Variants in PFAS observed in about 807,000 individuals in gnomAD.
PFAS encodes the protein FGAM synthase.
A neutral mutation model predicts 140.6 loss-of-function variants in PFAS; 97 were observed. The ratio of observed to expected loss-of-function variants is 0.69; its 90% CI spans 0.59 to 0.82. The LOEUF is 0.82. Ranked by LOEUF, PFAS falls within the 40% of genes least tolerant of loss-of-function variation. The pLI is 0.00. For missense variants in PFAS, 1,656 were observed against 1,780.2 expected (o/e 0.93, Z 1.26); for synonymous variants, 679 against 718.8 (o/e 0.94, Z 0.88).
At position 8,257,804 on chromosome 17, in the gene PFAS, CAG is replaced by C. The variant is rs1164293131; in HGVS notation, c.1076-2_1076-1del. On this transcript the variant is annotated splice_acceptor_variant, in intron 9 of 27. Transcript: ENST00000314666. LOFTEE classifies it high-confidence loss of function. ...CATCCAGTTCTCTCTCCTTCCCTCC[CAG>C]GTTACAATCTGCCCTGGGAGGATCC... 4.3e-6 allele frequency: 7 copies of C among 1,613,908 alleles called. No homozygotes were observed. The highest frequency in any genetic ancestry group is 5.9e-6 in the Non-Finnish European group (7 of 1,179,782).
upstream of PFAS, chr17:8,248,099 G>T: frequency 9.7e-7 from 1 of 1,033,702 alleles, no homozygotes; most frequent in Non-Finnish European, 1.5e-6. Context: ...GATGGGGGTG[G>T]GGGGGCGCTC....
At chr17:8,263,377 C>A in intron 13 of PFAS, 112 bp downstream of exon 13, 3 of 1,204,548 alleles carry the variant, frequency 2.5e-6, no homozygotes, top group Non-Finnish European at 2.4e-6. Flanking sequence ...GGGTCCCATT[C>A]TCCATGCTCT....
intron 1 of PFAS, among the ~76,000 whole-genome samples, chr17:8,251,187 G>A (rs541973914): frequency 4.6e-5 from 7 of 152,254 alleles, no homozygotes; most frequent in Admixed American, 2.0e-4. Flanking sequence ...TCGGGAGACC[G>A]AGGCAGGAGA....
At position 8,265,358 on chromosome 17, in the gene PFAS, C is replaced by G; in HGVS notation, c.2351C>G (p.Ala784Gly). 6.2e-7 allele frequency: 1 copy of G among 1,614,164 alleles called. No individual in the cohort carries two copies. Among genetic ancestry groups the G allele is most frequent in the African/African-American group, 1.3e-5 (1 of 75,066 alleles). Residue 784 changes from alanine (A) to glycine (G), a missense_variant, in exon 19 of 28, where the codon GCC (alanine) becomes GGC (glycine). By Grantham distance (60) the Ala-to-Gly change is moderately conservative. Around this residue, in one of 2 missense-constraint regions of PFAS, gnomAD observed 883 missense variants for 1,023.0 expected, o/e 0.86. Transcript: ENST00000314666. ...GGGGAGGGCGCAGCTTTGGCGGATGCCTGTGAGGCTATGGTGGCAGTGATG... is the reference window on the plus strand; with the variant it reads ...GGGGAGGGCGCAGCTTTGGCGGATGGCTGTGAGGCTATGGTGGCAGTGATG... Reference protein sequence around the residue: ...LPGEGAALADACEAMVAVMAA... With the variant: ...LPGEGAALADGCEAMVAVMAA...
chr17:8,259,789 A>G lies in PFAS; in HGVS notation c.1336+1590A>G, dbSNP rs898421878. On this transcript the variant is annotated intron_variant, in intron 11 of 27. Transcript: ENST00000314666. ...AGTGACAGAGTGAAACCCTGTCTCCAAAAAAGAATAAAAATAAAAAATAAA... is the reference window on the plus strand; with the variant it reads ...AGTGACAGAGTGAAACCCTGTCTCCGAAAAAGAATAAAAATAAAAAATAAA... 2.6e-5 allele frequency among the ~76,000 whole-genome samples: 4 copies of G among 151,292 alleles called. No individual in the cohort carries two copies. The South Asian group carries it at 8.4e-4, about 32-fold the overall frequency.
In PFAS at chr17:8,265,896, G is replaced by A; in HGVS notation, c.2580G>A (p.Gln860=). The A allele has an allele frequency of 6.2e-7, 1 of 1,611,894 alleles. No individual in the cohort carries two copies. Among genetic ancestry groups the A allele is most frequent in the South Asian group, 1.1e-5 (1 of 90,752 alleles). ...TCTATGTGGCTCTGAGCCCTGGGCA[G>A]CACCGGCTCGGGGGCACAGCTCTGG... ...HLLYVALSPG[Q]HRLGGTALAQ... The change falls in exon 21 of 28, where the codon CAG becomes CAA. Residue 860 remains glutamine, a synonymous_variant. Transcript: ENST00000314666.
In PFAS at chr17:8,263,221, G is replaced by A; in HGVS notation, c.1523G>A (p.Gly508Glu). Residue 508 changes from glycine (G) to glutamate (E), a missense_variant, in exon 13 of 28, where the codon GGA becomes GAA. Coordinates refer to ENST00000314666, the MANE Select transcript of PFAS (RefSeq NM_012393.3). ...AGGGCTTGTGTGGAGGCCCCCAAGG[G>A]AAACCCCATCTGCAGCCTTCATGAT... is the stretch of plus-strand genomic sequence containing the variant. ...VIRACVEAPK[G>E]NPICSLHDQG... 1 of 1,614,174 alleles carries A rather than the reference G, an allele frequency of 6.2e-7. No individual in the cohort carries two copies. The highest frequency in any genetic ancestry group is 2.2e-5 in the East Asian group (1 of 44,890).
chr17:8,265,836 C>T (rs1989790013), intron 20 of PFAS, 26 bp from the exon 21 acceptor site: 1 of 1,578,722 alleles, frequency 6.3e-7, no homozygotes, highest in Admixed American at 1.7e-5. Context: ...CTGTTCCCCT[C>T]CCCTCACCCC....
In PFAS at chr17:8,256,293, A is replaced by G. The variant is rs1381022256; in HGVS notation, c.707A>G (p.Lys236Arg). 6.2e-7 allele frequency: 1 copy of G among 1,613,988 alleles called. No homozygotes were observed. Among genetic ancestry groups the G allele is most frequent in the Admixed American group, 1.7e-5 (1 of 60,002 alleles). The change falls in exon 7 of 28, where the codon AAG becomes AGG. Residue 236 changes from lysine to arginine, a missense_variant. Lys to Arg is a conservative substitution (Grantham distance 26). Around this residue, in one of 2 missense-constraint regions of PFAS, gnomAD observed 773 missense variants for 757.3 expected, o/e 1.02. Transcript: ENST00000314666. ...GAGCACAGCCGACACTGGTTCTTCA[A>G]GGGCCAGCTCCACGTGGATGGGCAG... ...NSEHSRHWFFKGQLHVDGQKL... is the reference protein window; with the variant it reads ...NSEHSRHWFFRGQLHVDGQKL...
Position 8,253,981 on chromosome 17 carries a change from AG to A in PFAS, c.49del (p.Ala17GlnfsTer28), listed in dbSNP as rs1348679846. The A allele has an allele frequency of 6.2e-7, 1 of 1,613,908 alleles. No individual in the cohort carries two copies. Among genetic ancestry groups the A allele is most frequent in the African/African-American group, 1.3e-5 (1 of 74,890 alleles). ...TTCTATGTTCGTCCCTCTGGCCATG[AG>A]GGGGCAGCCCCTGGACACACTCGGA... Reference protein sequence around the residue: ...LHFYVRPSGHEGAAPGHTRRK... With the variant: ...LHFYVRPSGHXGAAPGHTRRK... On this transcript the variant is annotated frameshift_variant, in exon 2 of 28. Coordinates refer to ENST00000314666, the MANE Select transcript of PFAS (RefSeq NM_012393.3). LOFTEE classifies it high-confidence loss of function.
At chr17:8,259,664 T>C (rs1339165804) in intron 11 of PFAS, among the ~76,000 whole-genome samples, 2 of 152,118 alleles carry the variant, frequency 1.3e-5, no homozygotes, top group Non-Finnish European at 2.9e-5. Flanking sequence ...GGTGTACACC[T>C]GTAGTCCCAG....
At position 8,265,910 on chromosome 17, in the gene PFAS, G is replaced by A; in HGVS notation, c.2594G>A (p.Gly865Asp). 3.7e-6 allele frequency: 6 copies of A among 1,613,162 alleles called. No homozygotes were observed. The highest frequency in any genetic ancestry group is 5.1e-6 in the Non-Finnish European group (6 of 1,179,512). Residue 865 changes from glycine (G) to aspartate (D), a missense_variant, in exon 21 of 28, where the codon GGC becomes GAC. Physicochemically the swap from Gly to Asp is moderately conservative, Grantham distance 94 (BLOSUM62 -1). Transcript: ENST00000314666. ...ALSPGQHRLG[G>D]TALAQCFSQL... ...AGCCCTGGGCAGCACCGGCTCGGGG[G>A]CACAGCTCTGGCCCAGTGCTTCTCC...
intron 26 of PFAS, 133 bp from the exon 27 acceptor site, chr17:8,268,396 GGAAA>G (rs1989915651): frequency 6.4e-6 from 4 of 623,434 alleles, no homozygotes; most frequent in South Asian, 4.2e-5. Flanking sequence ...AAAGAAAGAA[GGAAA>G]GGAAGGAAGG....
At chr17:8,248,121 C>T, upstream of PFAS, 1 of 1,021,154 alleles carries the variant, frequency 9.8e-7, no homozygotes, top group South Asian at 1.4e-5. Context: ...GTGACGTCAC[C>T]GGTGAGCGGG....
rs201344121 is a variant in PFAS at position 8,268,001 on chromosome 17, ATTAT to A, written c.3382+341_3382+344del. On this transcript the variant is annotated intron_variant, in intron 26 of 27. Coordinates refer to ENST00000314666, the MANE Select transcript of PFAS (RefSeq NM_012393.3). ...TATTATTTATATATTATTAAAATATATTATTTATATATATTATTTATATATTATT... is the reference window on the plus strand; with the variant it reads ...TATTATTTATATATTATTAAAATATATTATATATATTATTTATATATTATT... Among the ~76,000 whole-genome samples the A allele has an allele frequency of 6.4e-3, 905 of 140,772 alleles. 13 individuals are homozygous for A. The highest frequency in any genetic ancestry group is 0.021 in the African/African-American group (796 of 38,460). The allele number at this position is 140,772 out of a possible 152,430, so 92.4% of individuals were successfully genotyped here. A position where few individuals can be genotyped will look rare whatever the true frequency, so the allele number is the denominator to read the frequency against.
intron 16 of PFAS, 41 bp downstream of exon 16, chr17:8,264,378 TCCA>T (rs1989723196): frequency 6.2e-7 from 1 of 1,612,596 alleles, no homozygotes; most frequent in African/African-American, 1.3e-5. Flanking sequence ...TGTGGTCCTC[TCCA>T]CACCACCCTT....
In PFAS at chr17:8,256,978, C is replaced by G. The variant is rs754169522; in HGVS notation, c.1075+15C>G. On this transcript the variant is annotated intron_variant, in intron 9 of 27. Coordinates refer to ENST00000314666, the MANE Select transcript of PFAS (RefSeq NM_012393.3). ...GCATATTCCAGGTTCCATCTCCTTCCTCTCTATCCACCTTCCCTTCCAGAT... is the reference window on the plus strand; with the variant it reads ...GCATATTCCAGGTTCCATCTCCTTCGTCTCTATCCACCTTCCCTTCCAGAT... 2.5e-6 allele frequency: 4 copies of G among 1,613,928 alleles called. No individual in the cohort carries two copies. The South Asian group carries it at 4.4e-5, about 18-fold the overall frequency.
chr17:8,258,618 A>G (rs1989467986), intron 11 of PFAS, among the ~76,000 whole-genome samples: 1 of 152,144 alleles, frequency 6.6e-6, no homozygotes, highest in Admixed American at 6.6e-5. Context: ...AGACAGGTGG[A>G]TCACCTGAGA....
At position 8,267,017 on chromosome 17, in the gene PFAS, C is replaced by G. The variant is rs373590653; in HGVS notation, c.2968-11C>G. 1.5e-5 allele frequency: 25 copies of G among 1,613,430 alleles called. No individual in the cohort carries two copies. Among genetic ancestry groups the G allele is most frequent in the Middle Eastern group, 1.6e-4 (1 of 6,062 alleles). Reference sequence around the variant, plus strand: ...TCTCCTAGCCCGTGGGAGATTTGTTCCTCTTCCTAGGTCCGGGTGTCAGTG... The same window carrying G: ...TCTCCTAGCCCGTGGGAGATTTGTTGCTCTTCCTAGGTCCGGGTGTCAGTG... On this transcript the variant is annotated splice_polypyrimidine_tract_variant and intron_variant, in intron 23 of 27. Coordinates refer to ENST00000314666, the MANE Select transcript of PFAS (RefSeq NM_012393.3). The surrounding 1 kb of genome is among the most constrained non-coding windows in gnomAD (Gnocchi z 4.9).
Sources: gnomAD v4.1 joint callset for allele counts (sites outside exome capture counted in the v4.1 genomes callset) on GRCh38, gnomAD v4.1.1 for gene constraint, gnomAD v4.1.1 regional missense constraint, Gnocchi (gnomAD v3.1) non-coding constraint, MANE v1.5 for transcripts, NCBI Gene and HGNC (gene_info 2026-07-23, HGNC 2026-07-21) for gene names.